The following CAPZA1 variants were observed in gnomAD, a reference collection of about 807,000 sequenced individuals.
The protein encoded by CAPZA1 is F-actin-capping protein subunit alpha-1.
Under a neutral mutation model 40.8 loss-of-function variants are expected in CAPZA1, and 10 were observed. The observed-to-expected ratio is 0.25, with a 90% CI of 0.15 to 0.42. The LOEUF is 0.42. Ranked by LOEUF, CAPZA1 falls within the 10% of genes least tolerant of loss-of-function variation. The pLI, the probability that CAPZA1 is intolerant of heterozygous loss-of-function variation, is 1.00. For missense variants in CAPZA1, 277 were observed against 353.8 expected (o/e 0.78, Z 1.74); for synonymous variants, 98 against 115.0 (o/e 0.85, Z 0.95).
At chr1:112,644,735 A>G (rs1338260157) in intron 1 of CAPZA1, among the ~76,000 whole-genome samples, 4 of 152,172 alleles carry the variant, frequency 2.6e-5, no homozygotes, top group Admixed American at 2.6e-4. Context: ...CCTTTCTCTC[A>G]TAGTATGTTA....
intron 6 of CAPZA1, chr1:112,659,471 GA>G (rs1671559086): frequency 3.7e-6 from 2 of 543,726 alleles, no homozygotes; most frequent in Non-Finnish European, 6.5e-6. Context: ...AAGGAAAAAT[GA>G]AAGACAAAAT....
chr1:112,630,163 C>A (rs894818319), intron 1 of CAPZA1, among the ~76,000 whole-genome samples: 4 of 152,138 alleles, frequency 2.6e-5, no homozygotes, highest in African/African-American at 9.6e-5. Context: ...CCACCTCAGC[C>A]TTTCTAATGA....
chr1:112,655,000 AT>A (rs962027492), intron 5 of CAPZA1, among the ~76,000 whole-genome samples: 7 of 150,848 alleles, frequency 4.6e-5, no homozygotes, highest in African/African-American at 1.5e-4. Context: ...TTTTAAATTA[AT>A]TTTTTTTTGT....
rs1298195352 is a variant in CAPZA1, at chr1:112,659,010, T to TC, written c.427-9dup. The TC allele has an allele frequency of 2.5e-6, 4 of 1,596,910 alleles. No individual in the cohort carries two copies. The highest frequency in any genetic ancestry group is 2.7e-5 in the African/African-American group (2 of 74,590). On this transcript the variant is annotated splice_polypyrimidine_tract_variant and intron_variant, in intron 5 of 9. Transcript: ENST00000263168. ...TTTGGAGTCTTTAACTATTTTTTTT[T>TC]CCCAACAATAGGTTTATGCTAAAAC...
intron 7 of CAPZA1, among the ~76,000 whole-genome samples, chr1:112,664,803 C>T (rs574236851): frequency 2.0e-5 from 3 of 152,172 alleles, no homozygotes; most frequent in Non-Finnish European, 2.9e-5. Flanking sequence ...GGCGTGGTTG[C>T]GGGTGCCTGT....
At chr1:112,640,257 C>T (rs1671121580) in intron 1 of CAPZA1, among the ~76,000 whole-genome samples, 1 of 127,048 alleles carries the variant, frequency 7.9e-6, no homozygotes, top group African/African-American at 3.0e-5. Flanking sequence ...CCCGGCCGCC[C>T]CTACTGGGAA....
chr1:112,631,309 T>C (rs1224105641), intron 1 of CAPZA1, among the ~76,000 whole-genome samples: 1 of 152,250 alleles, frequency 6.6e-6, no homozygotes, highest in East Asian at 1.9e-4. Flanking sequence ...TAACTCAGAA[T>C]TCAGTGATGT....
chr1:112,622,419 A>G (rs1670694780), intron 1 of CAPZA1, among the ~76,000 whole-genome samples: 1 of 152,226 alleles, frequency 6.6e-6, no homozygotes, highest in Non-Finnish European at 1.5e-5. Context: ...ACAGTTTCTG[A>G]GAATGAACTT....
At chr1:112,663,706 T>G (rs546164589) in intron 7 of CAPZA1, among the ~76,000 whole-genome samples, 1 of 152,230 alleles carries the variant, frequency 6.6e-6, no homozygotes, top group South Asian at 2.1e-4. Context: ...GGTTTCACCA[T>G]GTTGGTCAGG....
chr1:112,645,893 G>A (rs1184547169), intron 1 of CAPZA1, among the ~76,000 whole-genome samples: 2 of 151,700 alleles, frequency 1.3e-5, no homozygotes, highest in East Asian at 3.9e-4. Context: ...GTCAGGAGTT[G>A]GAGGCTGCAG....
At chr1:112,639,734 T>C (rs1325308965) in intron 1 of CAPZA1, among the ~76,000 whole-genome samples, 2 of 152,040 alleles carry the variant, frequency 1.3e-5, no homozygotes, top group South Asian at 2.1e-4. Context: ...GATGTTGACA[T>C]GCTCCTTTTT....
rs1292795306 is a variant in CAPZA1 at position 112,671,164 on chromosome 1, A to G, written c.*1032A>G. The G allele has an allele frequency of 6.6e-6, 1 of 152,646 alleles. No individual in the cohort carries two copies. The highest frequency in any genetic ancestry group is 1.5e-5 in the Non-Finnish European group (1 of 68,036). The allele number at this position is 152,646 out of a possible 1,614,324, so 9.5% of individuals were successfully genotyped here. ...AAATAGGATGTAAAACTTCTTTCAA[A>G]TTACTCTTCCTCAGTCCTGCCTGCC... On this transcript the variant is annotated 3_prime_UTR_variant, in exon 10 of 10. Transcript: ENST00000263168.
At chr1:112,631,170 A>G (rs560904512) in intron 1 of CAPZA1, among the ~76,000 whole-genome samples, 11 of 152,342 alleles carry the variant, frequency 7.2e-5, no homozygotes, top group Admixed American at 3.3e-4. Flanking sequence ...CTCTTTGACA[A>G]TCCTACTCTT....
chr1:112,653,688 TGCC>T, intron 4 of CAPZA1, 27 bp downstream of exon 4: 1 of 1,470,446 alleles, frequency 6.8e-7, no homozygotes, highest in Non-Finnish European at 9.4e-7. Context: ...AGACAGGCTA[TGCC>T]TGGCAGATAG....
At chr1:112,647,354 C>A in intron 2 of CAPZA1, 81 bp downstream of exon 2, 1 of 711,206 alleles carries the variant, frequency 1.4e-6, no homozygotes, top group Non-Finnish European at 2.2e-6. Context: ...ATTCTTACGA[C>A]TTGTTGTAGC....
At chr1:112,642,904 C>T (rs1377726856) in intron 1 of CAPZA1, among the ~76,000 whole-genome samples, 1 of 152,018 alleles carries the variant, frequency 6.6e-6, no homozygotes, top group African/African-American at 2.4e-5. Flanking sequence ...TAAAATATGG[C>T]TGTGGCTTTA....
In CAPZA1 at chr1:112,622,884, T is replaced by A. The variant is rs530019269; in HGVS notation, c.39+3001T>A. On this transcript the variant is annotated intron_variant, in intron 1 of 9. Transcript: ENST00000263168. Reference sequence around the variant, plus strand: ...AGAGCACATGAAAAATATTTTATACTTTTTTTTTTTTTTTTTGAAACGAAG... The same window carrying A: ...AGAGCACATGAAAAATATTTTATACATTTTTTTTTTTTTTTTGAAACGAAG... Among the ~76,000 whole-genome samples the A allele has an allele frequency of 9.1e-4, 122 of 134,016 alleles. 2 individuals carry two copies. The East Asian group carries it at 0.024, about 26-fold the overall frequency. The allele number at this position is 134,016 out of a possible 152,430, so 87.9% of individuals were successfully genotyped here. A position where few individuals can be genotyped will look rare whatever the true frequency, so the allele number is the denominator to read the frequency against.
intron 1 of CAPZA1, among the ~76,000 whole-genome samples, chr1:112,628,707 A>T (rs866640397): frequency 1.4e-4 from 21 of 152,198 alleles, no homozygotes; most frequent in Admixed American, 7.8e-4. Context: ...AGGACTGGTT[A>T]TGTGTCAAAA....
chr1:112,619,889 G>C lies in CAPZA1; in HGVS notation c.39+6G>C. The C allele has an allele frequency of 6.2e-7, 1 of 1,608,982 alleles. No homozygotes were observed. Among genetic ancestry groups the C allele is most frequent in the South Asian group, 1.1e-5 (1 of 90,140 alleles). On this transcript the variant is annotated splice_donor_region_variant and intron_variant, in intron 1 of 9. Transcript: ENST00000263168. Reference sequence around the variant, plus strand: ...GTGTGTCGGATGAGGAGAAGGTAAGGGGTCCGCCTCTCTCTCTTACCTCCT... The same window carrying C: ...GTGTGTCGGATGAGGAGAAGGTAAGCGGTCCGCCTCTCTCTCTTACCTCCT...
Sources: allele counts gnomAD v4.1 joint callset (sites outside exome capture counted in the v4.1 genomes callset), GRCh38; gene constraint gnomAD v4.1.1; transcripts MANE v1.5; gene names NCBI Gene and HGNC (gene_info 2026-07-23, HGNC 2026-07-21).